MLLT3: variants seen among roughly 807,000 people sequenced by gnomAD.
MLLT3 encodes the protein protein AF-9.
In MLLT3, 4 loss-of-function variants were observed where a neutral mutation model predicts 53.2. The ratio of observed to expected loss-of-function variants is 0.08; its 90% CI spans 0.04 to 0.17. MLLT3 has a LOEUF of 0.17. Among genes scored for constraint, MLLT3 ranks in the 10% least tolerant of loss-of-function variants. The pLI is 1.00. For synonymous variants in MLLT3, 283 were observed against 230.6 expected (o/e 1.23, Z -2.06); for missense variants, 569 against 684.0 (o/e 0.83, Z 1.87).
At chr9:20,446,245 T>C (rs1823696385) in intron 4 of MLLT3, among the ~76,000 whole-genome samples, 1 of 152,222 alleles carries the variant, frequency 6.6e-6, no homozygotes, top group South Asian at 2.1e-4. Context: ...CAACTTATTA[T>C]TTTAGAGTTG....
chr9:20,491,719 T>C (rs1824952940), intron 2 of MLLT3, among the ~76,000 whole-genome samples: 1 of 152,110 alleles, frequency 6.6e-6, no homozygotes, highest in African/African-American at 2.4e-5. Context: ...GGAGAAATAA[T>C]ATTTGGGGAG....
chr9:20,519,570 C>T (rs1214497074), intron 2 of MLLT3, among the ~76,000 whole-genome samples: 1 of 152,056 alleles, frequency 6.6e-6, no homozygotes, highest in Non-Finnish European at 1.5e-5. Context: ...AGAATACATA[C>T]ATGTGGCCAA....
At chr9:20,447,554 T>C (rs1380058343) in intron 4 of MLLT3, among the ~76,000 whole-genome samples, 3 of 152,152 alleles carry the variant, frequency 2.0e-5, no homozygotes, top group Admixed American at 6.6e-5. Context: ...TTCTTTCCCA[T>C]ACTAGTCAAA....
chr9:20,563,436 C>T (rs769110317), intron 2 of MLLT3, among the ~76,000 whole-genome samples: 6 of 152,146 alleles, frequency 3.9e-5, no homozygotes, highest in African/African-American at 7.2e-5. Flanking sequence ...TTGAAACAGC[C>T]TTTTCCTTTT....
intron 4 of MLLT3, among the ~76,000 whole-genome samples, chr9:20,424,527 T>C (rs1183747998): frequency 1.3e-5 from 2 of 152,160 alleles, no homozygotes; most frequent in African/African-American, 4.8e-5. Flanking sequence ...AGGTCACTGT[T>C]TTAAGAAAAC....
At chr9:20,493,504 T>C (rs1825005139) in intron 2 of MLLT3, among the ~76,000 whole-genome samples, 1 of 151,994 alleles carries the variant, frequency 6.6e-6, no homozygotes, top group Non-Finnish European at 1.5e-5. Flanking sequence ...GAATGTAAAT[T>C]TAAGTTCTGG....
At chr9:20,616,853 T>A (rs1175563953) in intron 2 of MLLT3, among the ~76,000 whole-genome samples, 1 of 152,182 alleles carries the variant, frequency 6.6e-6, no homozygotes, top group African/African-American at 2.4e-5. Context: ...CTTTGTGTAC[T>A]TGTGAGAACA....
chr9:20,548,096 G>A (rs1818837222), intron 2 of MLLT3, among the ~76,000 whole-genome samples: 2 of 152,194 alleles, frequency 1.3e-5, no homozygotes, highest in South Asian at 2.1e-4. Context: ...ACATACCCAA[G>A]TTGCTCTAAA....
chr9:20,622,285 G>A lies in MLLT3; in HGVS notation c.-29C>T. 8.9e-6 allele frequency: 14 copies of A among 1,571,732 alleles called. No homozygotes were observed. The highest frequency in any genetic ancestry group is 2.4e-5 in the East Asian group (1 of 42,382). On this transcript the variant is annotated 5_prime_UTR_variant, in exon 1 of 11. Coordinates refer to ENST00000380338, the MANE Select transcript of MLLT3 (RefSeq NM_004529.4). ...TGGGGGCCCGGAGGTTTGCTGGGGT[G>A]TTGTGTGGTACCCCCCCCTCCTCCG...
chr9:20,577,186 A>C (rs568392597), intron 2 of MLLT3, among the ~76,000 whole-genome samples: 1 of 152,274 alleles, frequency 6.6e-6, no homozygotes, highest in East Asian at 1.9e-4. Context: ...TAATATATTT[A>C]ATAACTCCAG....
chr9:20,432,458 T>C (rs1226338178), intron 4 of MLLT3, among the ~76,000 whole-genome samples: 1 of 152,172 alleles, frequency 6.6e-6, no homozygotes, highest in Non-Finnish European at 1.5e-5. Context: ...CTTTTTTCTA[T>C]GGAAGTATTA....
chr9:20,530,928 G>C (rs1027906819), intron 2 of MLLT3, among the ~76,000 whole-genome samples: 1 of 151,896 alleles, frequency 6.6e-6, no homozygotes, highest in African/African-American at 2.4e-5. Flanking sequence ...ATCGTGCCTG[G>C]CGCTGCTTGT....
chr9:20,482,611 T>G (rs1824692034), intron 2 of MLLT3, among the ~76,000 whole-genome samples: 1 of 152,200 alleles, frequency 6.6e-6, no homozygotes, highest in African/African-American at 2.4e-5. Context: ...GCTACTAGGA[T>G]TTCCTACCTA....
At chr9:20,616,774 G>A (rs1018185161) in intron 2 of MLLT3, among the ~76,000 whole-genome samples, 1 of 151,988 alleles carries the variant, frequency 6.6e-6, no homozygotes, top group African/African-American at 2.4e-5. Context: ...GTATCCAGTT[G>A]AGGGCCCCTA....
intron 4 of MLLT3, among the ~76,000 whole-genome samples, chr9:20,429,926 G>C (rs1823225552): frequency 6.6e-6 from 1 of 152,028 alleles, no homozygotes; most frequent in African/African-American, 2.4e-5. Flanking sequence ...AAATGCACTG[G>C]GGGGAAAAGG....
chr9:20,463,017 T>C (rs751429757), intron 2 of MLLT3, among the ~76,000 whole-genome samples: 1 of 152,050 alleles, frequency 6.6e-6, no homozygotes, highest in Non-Finnish European at 1.5e-5. Context: ...AAGTTTACAT[T>C]TGTATAGAGA....
Position 20,507,368 on chromosome 9 carries a change from G to A in MLLT3, c.194-50582C>T, listed in dbSNP as rs540371998. ...GAAGAGCTAAGGAAATATTTCTGAA[G>A]CCTAAAATTGCCTCCCCCAAGTTGA... On this transcript the variant is annotated intron_variant, in intron 2 of 10. Transcript: ENST00000380338. 2.0e-5 allele frequency among the ~76,000 whole-genome samples: 3 copies of A among 152,258 alleles called. No individual in the cohort carries two copies. The East Asian group carries it at 5.8e-4, about 29-fold the overall frequency.
intron 10 of MLLT3, among the ~76,000 whole-genome samples, chr9:20,348,676 TAGA>T (rs1337404938): frequency 4.6e-5 from 7 of 152,332 alleles, no homozygotes; most frequent in Non-Finnish European, 4.4e-5. Context: ...AAGAAATTCT[TAGA>T]AGGAGTGTAC....
intron 2 of MLLT3, among the ~76,000 whole-genome samples, chr9:20,609,944 C>G (rs1820659423): frequency 6.6e-6 from 1 of 152,028 alleles, no homozygotes; most frequent in Non-Finnish European, 1.5e-5. Flanking sequence ...CTCCACATGT[C>G]TATTGTCTAG....
Sources: gnomAD v4.1 joint callset for allele counts (sites outside exome capture counted in the v4.1 genomes callset) on GRCh38, gnomAD v4.1.1 for gene constraint, MANE v1.5 for transcripts, NCBI Gene and HGNC (gene_info 2026-07-23, HGNC 2026-07-21) for gene names.